CHST8: variants seen among roughly 807,000 people sequenced by gnomAD.
CHST8 encodes the protein carbohydrate sulfotransferase 8, also known as GALNAC-4-ST1.
CHST8 carries 10 observed loss-of-function variants against 15.0 expected under a neutral mutation model. That is an observed-to-expected ratio of 0.67 (90% CI 0.41 to 1.13). The LOEUF is 1.13. Ranked by LOEUF, CHST8 falls within the 50% of genes most tolerant of loss-of-function variation. CHST8 has a pLI of 0.00. For synonymous variants in CHST8, 259 were observed against 256.6 expected (o/e 1.01, Z -0.09); for missense variants, 634 against 608.2 (o/e 1.04, Z -0.45).
chr19:33,740,472 G>T (rs1974164490), intron 3 of CHST8, among the ~76,000 whole-genome samples: 1 of 152,210 alleles, frequency 6.6e-6, no homozygotes, highest in South Asian at 2.1e-4. Flanking sequence ...AAGACAGCTT[G>T]CTGGACTGGG....
chr19:33,630,887 G>A (rs1300906720), intron 1 of CHST8, among the ~76,000 whole-genome samples: 2 of 152,222 alleles, frequency 1.3e-5, no homozygotes, highest in African/African-American at 4.8e-5. Flanking sequence ...TTTGCACAAG[G>A]TTCAGAGCTC....
intron 3 of CHST8, among the ~76,000 whole-genome samples, chr19:33,731,227 G>A (rs868005002): frequency 7.9e-5 from 12 of 152,184 alleles, no homozygotes; most frequent in East Asian, 3.8e-4. Flanking sequence ...CTCCATAGGC[G>A]GAGCAGCAGC....
At chr19:33,705,559 A>T (rs1973430011) in intron 3 of CHST8, among the ~76,000 whole-genome samples, 1 of 152,218 alleles carries the variant, frequency 6.6e-6, no homozygotes, top group African/African-American at 2.4e-5. Context: ...CAATTCAAGC[A>T]AAGCTTTCCT....
At chr19:33,708,915 T>C (rs979971339) in intron 3 of CHST8, among the ~76,000 whole-genome samples, 1 of 152,234 alleles carries the variant, frequency 6.6e-6, no homozygotes, top group Non-Finnish European at 1.5e-5. Context: ...TACCATTATA[T>C]TGTAGCTTTC....
intron 1 of CHST8, among the ~76,000 whole-genome samples, chr19:33,650,464 A>G (rs1310605356): frequency 8.5e-6 from 1 of 117,658 alleles, no homozygotes; most frequent in Non-Finnish European, 1.8e-5. Context: ...TTTTTAATCT[A>G]TTCTGGATAC....
chr19:33,697,832 G>A (rs1306570766), intron 3 of CHST8, among the ~76,000 whole-genome samples: 1 of 152,178 alleles, frequency 6.6e-6, no homozygotes, highest in Non-Finnish European at 1.5e-5. Context: ...AGTGATTTAG[G>A]GGCTGCAGCA....
intron 3 of CHST8, among the ~76,000 whole-genome samples, chr19:33,756,329 T>C (rs1974546541): frequency 6.6e-6 from 1 of 152,176 alleles, no homozygotes; most frequent in African/African-American, 2.4e-5. Context: ...GTCGCGGGCC[T>C]AGGTTGCATG....
chr19:33,741,305 A>G (rs531297830), intron 3 of CHST8, among the ~76,000 whole-genome samples: 52 of 147,880 alleles, frequency 3.5e-4, no homozygotes, highest in African/African-American at 1.3e-3. Context: ...TTCCCTGGAA[A>G]GCAGACTGAG....
intron 1 of CHST8, among the ~76,000 whole-genome samples, chr19:33,622,805 C>T (rs987522664): frequency 3.3e-5 from 5 of 152,144 alleles, no homozygotes; most frequent in Non-Finnish European, 7.4e-5. Context: ...CTCCGTCGCG[C>T]GCGTCCCCGA....
At chr19:33,746,272 A>G (rs1974311556) in intron 3 of CHST8, among the ~76,000 whole-genome samples, 2 of 152,312 alleles carry the variant, frequency 1.3e-5, no homozygotes, top group South Asian at 2.1e-4. Context: ...TTGTTTATCA[A>G]ATGTATTCCA....
chr19:33,628,286 G>C (rs1410240253), intron 1 of CHST8, among the ~76,000 whole-genome samples: 1 of 152,248 alleles, frequency 6.6e-6, no homozygotes, highest in Non-Finnish European at 1.5e-5. Flanking sequence ...CGCCAGCAGA[G>C]TGAAGAAGCA....
chr19:33,703,051 G>A (rs1393495597), intron 3 of CHST8, among the ~76,000 whole-genome samples: 1 of 152,170 alleles, frequency 6.6e-6, no homozygotes, highest in African/African-American at 2.4e-5. Flanking sequence ...GAGTCACCTG[G>A]CATCAGAGCC....
At chr19:33,736,876 G>A (rs1317016676) in intron 3 of CHST8, among the ~76,000 whole-genome samples, 2 of 152,060 alleles carry the variant, frequency 1.3e-5, no homozygotes. Flanking sequence ...AGTTTCCCAG[G>A]ACCCTGATGA....
chr19:33,721,619 CAGAT>C (rs549518651), intron 3 of CHST8, among the ~76,000 whole-genome samples: 123 of 78,152 alleles, frequency 1.6e-3, no homozygotes, highest in Non-Finnish European at 1.9e-3. Flanking sequence ...GATGAGTAGG[CAGAT>C]AGATGGATGT....
chr19:33,682,822 G>C (rs758472835), intron 2 of CHST8, among the ~76,000 whole-genome samples: 3 of 152,204 alleles, frequency 2.0e-5, no homozygotes, highest in Non-Finnish European at 4.4e-5. Context: ...GGATGCATTA[G>C]TCCACTTTTG....
At chr19:33,660,483 A>T (rs1972572630) in intron 1 of CHST8, among the ~76,000 whole-genome samples, 1 of 152,142 alleles carries the variant, frequency 6.6e-6, no homozygotes, top group Admixed American at 6.5e-5. Flanking sequence ...CCAAAACAAG[A>T]TCTGGTCCAG....
intron 3 of CHST8, among the ~76,000 whole-genome samples, chr19:33,729,231 G>A (rs529724510): frequency 5.9e-5 from 9 of 152,354 alleles, no homozygotes; most frequent in East Asian, 1.9e-4. Context: ...CTCATCTGAC[G>A]GCTCAACAAC....
intron 3 of CHST8, among the ~76,000 whole-genome samples, chr19:33,731,673 A>G (rs1458575379): frequency 2.0e-5 from 3 of 152,152 alleles, no homozygotes; most frequent in South Asian, 2.1e-4. Context: ...TTTACCCAGT[A>G]TCTATACAAG....
chr19:33,677,869 C>T (rs1311057918), intron 2 of CHST8, among the ~76,000 whole-genome samples: 1 of 152,176 alleles, frequency 6.6e-6, no homozygotes, highest in Non-Finnish European at 1.5e-5. Context: ...TTGGCAGAGG[C>T]AGGATATTCA....
Sources: allele counts gnomAD v4.1 joint callset (sites outside exome capture counted in the v4.1 genomes callset), GRCh38; gene constraint gnomAD v4.1.1; transcripts MANE v1.5; gene names NCBI Gene and HGNC (gene_info 2026-07-23, HGNC 2026-07-21).